Variants in TNKS observed in about 807,000 individuals in gnomAD.
The protein encoded by TNKS is tankyrase, also known as poly [ADP-ribose] polymerase tankyrase-1.
TNKS carries 72 observed loss-of-function variants against 135.8 expected under a neutral mutation model. The observed-to-expected ratio is 0.53, with a 90% CI of 0.44 to 0.64. The LOEUF is 0.64. Among genes scored for constraint, TNKS ranks in the 30% least tolerant of loss-of-function variants. The pLI is 0.00. For missense variants in TNKS, 1,769 were observed against 1,674.0 expected (o/e 1.06, Z -0.99); for synonymous variants, 849 against 649.3 (o/e 1.31, Z -4.68).
rs1298439974 is a variant in TNKS, at chr8:9,556,281, T to C, written c.342T>C (p.Ala114=). Residue 114 remains alanine, a synonymous_variant, in exon 1 of 27, where the codon GCT becomes GCC. Transcript: ENST00000310430. ...VVPAVSTSSA[A]GVAPNPAGSG... is the part of the protein sequence containing the mutation. The stretch of plus-strand genomic sequence containing the variant: ...CAGCGGTTTCTACTTCATCTGCCGC[T>C]GGGGTCGCTCCCAACCCAGCCGGCA... 3 of 1,614,260 alleles carry C rather than the reference T, an allele frequency of 1.9e-6. No individual in the cohort carries two copies. Among genetic ancestry groups the C allele is most frequent in the East Asian group, 2.2e-5 (1 of 44,880 alleles).
chr8:9,696,227 C>G (rs1238451989), intron 5 of TNKS, among the ~76,000 whole-genome samples: 1 of 151,988 alleles, frequency 6.6e-6, no homozygotes, highest in African/African-American at 2.4e-5. Flanking sequence ...TTGGAGTACT[C>G]CAATGTCAAG....
At chr8:9,664,268 C>A (rs994995206) in intron 3 of TNKS, among the ~76,000 whole-genome samples, 2 of 152,076 alleles carry the variant, frequency 1.3e-5, no homozygotes, top group African/African-American at 4.8e-5. Flanking sequence ...TGTGCAAAGA[C>A]GACATGGCAA....
In TNKS at chr8:9,779,447, C is replaced by T. The variant is rs1808372209; in HGVS notation, c.*2711C>T. On this transcript the variant is annotated 3_prime_UTR_variant, in exon 27 of 27. Coordinates refer to ENST00000310430, the MANE Select transcript of TNKS (RefSeq NM_003747.3). ...ATGGAAGAAAGAATCTGAACGTCTC[C>T]ACCGGCTCTACCCGAGTTCCAAAAC... 1 of 151,704 alleles carries T rather than the reference C, an allele frequency of 6.6e-6. No individual in the cohort carries two copies. The highest frequency in any genetic ancestry group is 2.4e-5 in the African/African-American group (1 of 41,136). 9.4% of individuals were successfully genotyped at this position (151,704 alleles called of 1,614,324 possible).
chr8:9,621,891 G>A (rs887374954), intron 3 of TNKS, among the ~76,000 whole-genome samples: 1 of 152,072 alleles, frequency 6.6e-6, no homozygotes, highest in African/African-American at 2.4e-5. Context: ...TTTATAATAA[G>A]ATGAATTTCT....
At chr8:9,650,123 C>A (rs1801089296) in intron 3 of TNKS, among the ~76,000 whole-genome samples, 1 of 151,914 alleles carries the variant, frequency 6.6e-6, no homozygotes. Context: ...AATTCCTGAC[C>A]TCAGGTGATC....
At chr8:9,773,855 AC>A in intron 26 of TNKS, among the ~76,000 whole-genome samples, 1 of 152,328 alleles carries the variant, frequency 6.6e-6, no homozygotes, top group East Asian at 1.9e-4. Context: ...CTAATTGAGT[AC>A]TTTCTCATGA....
chr8:9,659,986 G>C (rs1023946098), intron 3 of TNKS, among the ~76,000 whole-genome samples: 13 of 152,172 alleles, frequency 8.5e-5, no homozygotes, highest in Non-Finnish European at 1.3e-4. Context: ...AGAAAATCTA[G>C]AAGAAATGGA....
intron 17 of TNKS, among the ~76,000 whole-genome samples, chr8:9,744,858 T>A (rs1806154676): frequency 6.6e-6 from 1 of 152,214 alleles, no homozygotes; most frequent in Non-Finnish European, 1.5e-5. Context: ...TTCACAAGCA[T>A]GTAGTTGGTT....
At position 9,780,122 on chromosome 8, in the gene TNKS, T is replaced by C. The variant is rs1808397052; in HGVS notation, c.*3386T>C. On this transcript the variant is annotated 3_prime_UTR_variant, in exon 27 of 27. Transcript: ENST00000310430. ...TATATGCCGGAGAACGGCATTAGAA[T>C]GCAATAAGTTGTCTAGGTTTTTCTG... The C allele has an allele frequency of 6.6e-6, 1 of 152,250 alleles. No homozygotes were observed. Among genetic ancestry groups the C allele is most frequent in the East Asian group, 1.9e-4 (1 of 5,202 alleles). The allele number at this position is 152,250 out of a possible 1,614,324, so 9.4% of individuals were successfully genotyped here.
chr8:9,771,906 G>A (rs528716265), intron 26 of TNKS, among the ~76,000 whole-genome samples: 1 of 64,578 alleles, frequency 1.5e-5, no homozygotes, highest in African/African-American at 9.1e-5. Flanking sequence ...GCAGAAGGAA[G>A]GGATGGGGAG....
rs552008821 is a variant in TNKS at position 9,623,563 on chromosome 8, C to T, written c.994+7886C>T. On this transcript the variant is annotated intron_variant, in intron 3 of 26. Coordinates refer to ENST00000310430, the MANE Select transcript of TNKS (RefSeq NM_003747.3). ...ATACTTTATTGCTAAGAAATGCTAA[C>T]GAAGTGAGCACATGCTGTTAGAAAA... Among the ~76,000 whole-genome samples the T allele has an allele frequency of 1.4e-4, 21 of 151,746 alleles. 2 individuals are homozygous for T. The highest frequency in any genetic ancestry group is 4.1e-4 in the African/African-American group (17 of 41,320).
At chr8:9,603,244 G>T (rs530255360) in intron 2 of TNKS, among the ~76,000 whole-genome samples, 94 of 152,146 alleles carry the variant, frequency 6.2e-4, no homozygotes, top group African/African-American at 2.2e-3. Flanking sequence ...GTAGAGACAG[G>T]TTTTCACCAT....
chr8:9,596,384 T>C (rs1798788552), intron 2 of TNKS, among the ~76,000 whole-genome samples: 1 of 152,214 alleles, frequency 6.6e-6, no homozygotes, highest in Non-Finnish European at 1.5e-5. Context: ...TACTTCTCAT[T>C]CTCAACTGAC....
At chr8:9,675,409 C>G (rs1426785288) in intron 3 of TNKS, among the ~76,000 whole-genome samples, 1 of 152,154 alleles carries the variant, frequency 6.6e-6, no homozygotes, top group Non-Finnish European at 1.5e-5. Flanking sequence ...AATTGAGATT[C>G]TAGACTGAAG....
chr8:9,591,337 A>G (rs1798584071), intron 2 of TNKS, among the ~76,000 whole-genome samples: 1 of 152,140 alleles, frequency 6.6e-6, no homozygotes, highest in East Asian at 1.9e-4. Flanking sequence ...GTATGGATGT[A>G]GCACAGTTGG....
chr8:9,694,756 T>C (rs4469459), intron 5 of TNKS, among the ~76,000 whole-genome samples: 119,135 of 147,522 alleles, frequency 0.81, 48,234 homozygotes, highest in Admixed American at 0.88. Context: ...AGCGAGACTC[T>C]GTCTCAAAAA....
chr8:9,583,857 T>C (rs1798263980), intron 2 of TNKS, among the ~76,000 whole-genome samples: 1 of 151,680 alleles, frequency 6.6e-6, no homozygotes, highest in Non-Finnish European at 1.5e-5. Context: ...ATACTTTTCA[T>C]GGAGTCTGAT....
chr8:9,574,358 C>A (rs1797865031), intron 1 of TNKS, among the ~76,000 whole-genome samples: 3 of 152,286 alleles, frequency 2.0e-5, no homozygotes, highest in South Asian at 2.1e-4. Flanking sequence ...ATCTGAGAGC[C>A]AGTCATCTTT....
chr8:9,599,919 T>A (rs1326878846), intron 2 of TNKS, among the ~76,000 whole-genome samples: 1 of 152,206 alleles, frequency 6.6e-6, no homozygotes, highest in Non-Finnish European at 1.5e-5. Context: ...TTGAAGGAGA[T>A]GCATTTAACT....
Sources: gnomAD v4.1 joint callset for allele counts (sites outside exome capture counted in the v4.1 genomes callset) on GRCh38, gnomAD v4.1.1 for gene constraint, MANE v1.5 for transcripts, NCBI Gene and HGNC (gene_info 2026-07-23, HGNC 2026-07-21) for gene names.